NEMP2: variants seen among roughly 807,000 people sequenced by gnomAD.
NEMP2 encodes the protein UPF0571 transmembrane protein.
A neutral mutation model predicts 54.2 loss-of-function variants in NEMP2; 53 were observed. The ratio of observed to expected loss-of-function variants is 0.98; its 90% CI spans 0.78 to 1.23. The LOEUF is 1.23. Ranked by LOEUF, NEMP2 falls within the 50% of genes most tolerant of loss-of-function variation. The probability of loss-of-function intolerance (pLI) is 0.00; values close to 1 mark genes in which losing one functional copy is unlikely to be tolerated. For missense variants in NEMP2, 455 were observed against 511.3 expected (o/e 0.89, Z 1.06); for synonymous variants, 197 against 190.3 (o/e 1.04, Z -0.29).
In NEMP2 at chr2:190,520,623, G is replaced by A. The variant is rs1267036715; in HGVS notation, c.214-1440C>T. Among the ~76,000 whole-genome samples, 4 of 152,076 alleles carry A rather than the reference G, an allele frequency of 2.6e-5. No homozygotes were observed. The highest frequency in any genetic ancestry group is 2.6e-4 in the Admixed American group (4 of 15,268). On this transcript the variant is annotated intron_variant, in intron 2 of 8. Transcript: ENST00000409150. This position sits in a 1 kb window ranked among gnomAD's most constrained non-coding sequence, Gnocchi z 5.4. ...TCATTCTTCTTAGGTATTTCAGTAT[G>A]TACAATATACACACCAATCCTTCCA...
At chr2:190,502,204 CAGCCTTGTGAGCTGA>C (rs1337115664), downstream of NEMP2, 32 of 152,308 alleles carry the variant, frequency 2.1e-4, no homozygotes, top group African/African-American at 7.7e-4. The surrounding 1 kb of genome is among the most constrained non-coding windows in gnomAD (Gnocchi z 4.4). Context: ...CAGTCATTTC[CAGCCTTGTGAGCTGA>C]CACCTTCATG....
the NEMP2 span, among the ~76,000 whole-genome samples, chr2:190,472,985 T>G: frequency 6.6e-6 from 1 of 152,162 alleles, no homozygotes. Flanking sequence ...CCAGCCAAAC[T>G]AAGCTTTATA....
the NEMP2 span, among the ~76,000 whole-genome samples, chr2:190,443,689 A>C: frequency 2.6e-5 from 4 of 152,334 alleles, no homozygotes; most frequent in East Asian, 5.8e-4. The surrounding 1 kb of genome is among the most constrained non-coding windows in gnomAD (Gnocchi z 4.2). Flanking sequence ...AGTTATATCA[A>C]ATTGGAAGTG....
At chr2:190,495,107 ACTCCT>A in the NEMP2 span, among the ~76,000 whole-genome samples, 1 of 152,000 alleles carries the variant, frequency 6.6e-6, no homozygotes, top group African/African-American at 2.4e-5. The surrounding 1 kb of genome is among the most constrained non-coding windows in gnomAD (Gnocchi z 4.7). Flanking sequence ...AACCCTAAAG[ACTCCT>A]CCTAAAAGCT....
the NEMP2 span, among the ~76,000 whole-genome samples, chr2:190,434,722 G>A: frequency 2.0e-5 from 3 of 152,124 alleles, no homozygotes; most frequent in East Asian, 1.9e-4. The surrounding 1 kb of genome is among the most constrained non-coding windows in gnomAD (Gnocchi z 4.3). Flanking sequence ...GTGAGCCACC[G>A]CGCCCGGCCA....
the NEMP2 span, among the ~76,000 whole-genome samples, chr2:190,482,952 C>T: frequency 3.9e-5 from 5 of 129,526 alleles, no homozygotes; most frequent in African/African-American, 8.7e-5. Flanking sequence ...ACTGCAGTGG[C>T]GCAATCTCGG....
the NEMP2 span, among the ~76,000 whole-genome samples, chr2:190,425,659 T>A: frequency 6.6e-6 from 1 of 152,232 alleles, no homozygotes; most frequent in Non-Finnish European, 1.5e-5. This position sits in a 1 kb window ranked among gnomAD's most constrained non-coding sequence, Gnocchi z 4.3. Flanking sequence ...ATTGACTGAC[T>A]TTGAAATATT....
At position 190,504,340 on chromosome 2, in the gene NEMP2, T is replaced by G. The variant is rs1213687501; in HGVS notation, c.*4849A>C. 1 of 152,150 alleles carries G rather than the reference T, an allele frequency of 6.6e-6. No homozygotes were observed. The highest frequency in any genetic ancestry group is 2.4e-5 in the African/African-American group (1 of 41,418). The allele number at this position is 152,150 out of a possible 1,614,324, so 9.4% of individuals were successfully genotyped here. ...CTGTCTCATTTCCCCAACCAGGGTCTAGTTCTATTATTTTATTGCCATTTA... is the reference window on the plus strand; with the variant it reads ...CTGTCTCATTTCCCCAACCAGGGTCGAGTTCTATTATTTTATTGCCATTTA... On this transcript the variant is annotated 3_prime_UTR_variant, in exon 9 of 9. Coordinates refer to ENST00000409150, the MANE Select transcript of NEMP2 (RefSeq NM_001142645.2). The surrounding 1 kb of genome is among the most constrained non-coding windows in gnomAD (Gnocchi z 5.6).
At chr2:190,495,705 C>T in the NEMP2 span, among the ~76,000 whole-genome samples, 1 of 152,040 alleles carries the variant, frequency 6.6e-6, no homozygotes, top group African/African-American at 2.4e-5. The surrounding 1 kb of genome is among the most constrained non-coding windows in gnomAD (Gnocchi z 4.7). Context: ...ATACAGCCAA[C>T]TGATATTTGA....
At chr2:190,643,445 G>T in the NEMP2 span, among the ~76,000 whole-genome samples, 1 of 152,208 alleles carries the variant, frequency 6.6e-6, no homozygotes, top group African/African-American at 2.4e-5. Context: ...TAATGGTCCA[G>T]ACATGGGCTG....
At chr2:190,596,162 C>T in the NEMP2 span, among the ~76,000 whole-genome samples, 9 of 152,240 alleles carry the variant, frequency 5.9e-5, no homozygotes, top group East Asian at 3.9e-4. The surrounding 1 kb of genome is among the most constrained non-coding windows in gnomAD (Gnocchi z 5.1). Flanking sequence ...GAAAACCAAA[C>T]GCTGCATGTT....
chr2:190,489,981 A>G, the NEMP2 span: 20 of 781,814 alleles, frequency 2.6e-5, no homozygotes, highest in Non-Finnish European at 3.4e-5. The surrounding 1 kb of genome is among the most constrained non-coding windows in gnomAD (Gnocchi z 6.6). Context: ...GTTTGGCTCA[A>G]TTTTCTGAGT....
At chr2:190,435,485 C>T in the NEMP2 span, among the ~76,000 whole-genome samples, 3 of 152,214 alleles carry the variant, frequency 2.0e-5, no homozygotes, top group Admixed American at 6.5e-5. Context: ...ACAATGCCAT[C>T]GGCTTCCTCT....
chr2:190,521,280 G>A lies in NEMP2; in HGVS notation c.214-2097C>T, dbSNP rs986247058. On this transcript the variant is annotated intron_variant, in intron 2 of 8. Coordinates refer to ENST00000409150, the MANE Select transcript of NEMP2 (RefSeq NM_001142645.2). The surrounding 1 kb of genome is among the most constrained non-coding windows in gnomAD (Gnocchi z 6.2). ...AAAATGGAAGAAATCAGAAGTGAAT[G>A]TCCACCAGCTCCTATCTGCAAAGCC... is the stretch of plus-strand genomic sequence containing the variant. Among the ~76,000 whole-genome samples the A allele has an allele frequency of 3.3e-5, 5 of 152,122 alleles. 1 individual carries two copies. In the South Asian group the frequency reaches 8.3e-4, roughly 25 times the overall value.
the NEMP2 span, among the ~76,000 whole-genome samples, chr2:190,578,687 G>A: frequency 2.6e-5 from 4 of 151,966 alleles, no homozygotes; most frequent in Non-Finnish European, 4.4e-5. The surrounding 1 kb of genome is among the most constrained non-coding windows in gnomAD (Gnocchi z 4.4). Flanking sequence ...GTGGGGGCAT[G>A]TGTGTGTGCA....
At chr2:190,432,847 C>T in the NEMP2 span, among the ~76,000 whole-genome samples, 2 of 148,514 alleles carry the variant, frequency 1.3e-5, no homozygotes, top group East Asian at 4.0e-4. Context: ...CACACTCTCT[C>T]TCTCTCTCTC....
rs1238900974 is a variant in NEMP2 at position 190,527,148 on chromosome 2, C to G, written c.98-1770G>C. Among the ~76,000 whole-genome samples, 1 of 152,180 alleles carries G rather than the reference C, an allele frequency of 6.6e-6. No homozygotes were observed. The highest frequency in any genetic ancestry group is 1.5e-5 in the Non-Finnish European group (1 of 68,042). ...ACAAAGAAATGGGCTTTACATCCAA[C>G]CCCTGACTCCTTTAAGGAAAGTGTG... is the stretch of plus-strand genomic sequence containing the variant. On this transcript the variant is annotated intron_variant, in intron 1 of 8. Transcript: ENST00000409150. This position sits in a 1 kb window ranked among gnomAD's most constrained non-coding sequence, Gnocchi z 4.0.
chr2:190,456,185 C>T, the NEMP2 span, among the ~76,000 whole-genome samples: 1 of 152,008 alleles, frequency 6.6e-6, no homozygotes, highest in Non-Finnish European at 1.5e-5. This position sits in a 1 kb window ranked among gnomAD's most constrained non-coding sequence, Gnocchi z 5.4. Context: ...AGGTGATCTA[C>T]CCGCCTCAGC....
At position 190,519,467 on chromosome 2, in the gene NEMP2, T is replaced by A. The variant is rs1329691849; in HGVS notation, c.214-284A>T. Among the ~76,000 whole-genome samples the A allele has an allele frequency of 6.6e-6, 1 of 152,200 alleles. No homozygotes were observed. The highest frequency in any genetic ancestry group is 1.9e-4 in the East Asian group (1 of 5,196). ...AACTCCTGGGCTCAAGCTGTTTGCCTGCTTCAGCCTCCCAAAGTGCTGGGA... is the reference window on the plus strand; with the variant it reads ...AACTCCTGGGCTCAAGCTGTTTGCCAGCTTCAGCCTCCCAAAGTGCTGGGA... On this transcript the variant is annotated intron_variant, in intron 2 of 8. Transcript: ENST00000409150. This position sits in a 1 kb window ranked among gnomAD's most constrained non-coding sequence, Gnocchi z 5.4.
Sources: allele counts gnomAD v4.1 joint callset (sites outside exome capture counted in the v4.1 genomes callset), GRCh38; gene constraint gnomAD v4.1.1; non-coding constraint Gnocchi (gnomAD v3.1); transcripts MANE v1.5; gene names NCBI Gene and HGNC (gene_info 2026-07-23, HGNC 2026-07-21).